The following KCTD8 variants were observed in gnomAD, a reference collection of about 807,000 sequenced individuals.
KCTD8 encodes the protein potassium channel tetramerization domain containing 8, also known as BTB/POZ domain-containing protein KCTD8.
A neutral mutation model predicts 31.5 loss-of-function variants in KCTD8; 27 were observed. The ratio of observed to expected loss-of-function variants is 0.86; its 90% CI spans 0.63 to 1.18. KCTD8 has a LOEUF of 1.18. KCTD8 is among the 50% of genes most tolerant of loss of function. The pLI, the probability that KCTD8 is intolerant of heterozygous loss-of-function variation, is 0.00. For synonymous variants in KCTD8, 290 were observed against 280.0 expected, an observed-to-expected ratio of 1.04 and a Z score of -0.36; for missense variants, 658 against 647.7, an observed-to-expected ratio of 1.02 and a Z score of -0.17.
chr4:44,416,552 A>C (rs1268603751), intron 1 of KCTD8, among the ~76,000 whole-genome samples: 1 of 152,144 alleles, frequency 6.6e-6, no homozygotes, highest in Non-Finnish European at 1.5e-5. Context: ...TCTCTCATGA[A>C]GGGCTGAGCA....
chr4:44,243,815 G>A (rs575165716), intron 1 of KCTD8, among the ~76,000 whole-genome samples: 1 of 152,330 alleles, frequency 6.6e-6, no homozygotes, highest in East Asian at 1.9e-4. Flanking sequence ...AGAATGGCTG[G>A]TGATAGAAAC....
chr4:44,402,666 C>G (rs1720693724), intron 1 of KCTD8, among the ~76,000 whole-genome samples: 1 of 152,110 alleles, frequency 6.6e-6, no homozygotes, highest in African/African-American at 2.4e-5. Context: ...AATTTGCAAA[C>G]GTATTTAACT....
intron 1 of KCTD8, among the ~76,000 whole-genome samples, chr4:44,439,898 ATT>A (rs147289827): frequency 0.021 from 2,019 of 97,588 alleles, 21 homozygotes; most frequent in Middle Eastern, 0.036. Context: ...CCAATCATTT[ATT>A]TTTATTTATT....
intron 1 of KCTD8, among the ~76,000 whole-genome samples, chr4:44,257,764 T>A (rs1716030941): frequency 6.6e-6 from 1 of 152,024 alleles, no homozygotes; most frequent in Non-Finnish European, 1.5e-5. Context: ...ATAGTTCAAC[T>A]TTTAAAAATG....
intron 1 of KCTD8, among the ~76,000 whole-genome samples, chr4:44,182,604 G>T (rs550336439): frequency 6.6e-6 from 1 of 152,098 alleles, no homozygotes; most frequent in Non-Finnish European, 1.5e-5. Flanking sequence ...CTCGTTAAGA[G>T]TCATCAGCAC....
At chr4:44,430,300 G>T (rs1721442415) in intron 1 of KCTD8, among the ~76,000 whole-genome samples, 1 of 151,658 alleles carries the variant, frequency 6.6e-6, no homozygotes, top group African/African-American at 2.4e-5. Flanking sequence ...AGACAGAGGA[G>T]CAAGAGTGTT....
chr4:44,312,865 C>T (rs1359166009), intron 1 of KCTD8, among the ~76,000 whole-genome samples: 1 of 152,112 alleles, frequency 6.6e-6, no homozygotes. Context: ...CCTCCTCTTC[C>T]AGCAAAGGGT....
chr4:44,220,212 G>A (rs961647318), intron 1 of KCTD8, among the ~76,000 whole-genome samples: 1 of 152,158 alleles, frequency 6.6e-6, no homozygotes, highest in Non-Finnish European at 1.5e-5. Flanking sequence ...GATATAGAGT[G>A]GGGGATAGAC....
At chr4:44,228,556 C>T (rs926587491) in intron 1 of KCTD8, among the ~76,000 whole-genome samples, 7 of 152,204 alleles carry the variant, frequency 4.6e-5, no homozygotes, top group African/African-American at 1.7e-4. Context: ...GTTTTTCCTG[C>T]TTCAGTGAAT....
intron 1 of KCTD8, among the ~76,000 whole-genome samples, chr4:44,278,925 T>A (rs1716823247): frequency 6.6e-6 from 1 of 152,114 alleles, no homozygotes; most frequent in African/African-American, 2.4e-5. Context: ...ATCTCCTATC[T>A]ATTTTTATTT....
At chr4:44,321,855 T>C (rs933653676) in intron 1 of KCTD8, among the ~76,000 whole-genome samples, 4 of 152,232 alleles carry the variant, frequency 2.6e-5, no homozygotes, top group African/African-American at 9.6e-5. Context: ...CATGTAATAT[T>C]TGTCTTTCTC....
chr4:44,425,868 A>T (rs748279878), intron 1 of KCTD8, among the ~76,000 whole-genome samples: 9 of 151,842 alleles, frequency 5.9e-5, no homozygotes, highest in Non-Finnish European at 1.3e-4. Context: ...TTGGGGAGGG[A>T]CCCAGCTAGT....
chr4:44,441,849 T>C (rs2109484774), intron 1 of KCTD8, among the ~76,000 whole-genome samples: 1 of 152,314 alleles, frequency 6.6e-6, no homozygotes, highest in Admixed American at 6.5e-5. Flanking sequence ...TACCTTGAAA[T>C]AATCAAATTT....
chr4:44,360,509 T>C (rs1425809535), intron 1 of KCTD8, among the ~76,000 whole-genome samples: 1 of 152,056 alleles, frequency 6.6e-6, no homozygotes, highest in Non-Finnish European at 1.5e-5. Context: ...TGGATGATTT[T>C]AATTATCACT....
intron 1 of KCTD8, among the ~76,000 whole-genome samples, chr4:44,443,382 T>C (rs1383569627): frequency 1.3e-5 from 2 of 152,224 alleles, no homozygotes; most frequent in African/African-American, 4.8e-5. Flanking sequence ...AGATGTGTCT[T>C]AGAAAGCTCT....
chr4:44,396,199 C>G (rs1205674241), intron 1 of KCTD8, among the ~76,000 whole-genome samples: 1 of 152,038 alleles, frequency 6.6e-6, no homozygotes, highest in Non-Finnish European at 1.5e-5. Flanking sequence ...AGGGTTTGCA[C>G]TCCTATGAGA....
intron 1 of KCTD8, among the ~76,000 whole-genome samples, chr4:44,355,679 T>C (rs1560434402): frequency 6.6e-6 from 1 of 152,174 alleles, no homozygotes; most frequent in African/African-American, 2.4e-5. Context: ...GTGTAGCGTA[T>C]TTAGATAAAC....
intron 1 of KCTD8, among the ~76,000 whole-genome samples, chr4:44,219,721 T>C (rs768191027): frequency 2.0e-5 from 3 of 152,220 alleles, no homozygotes; most frequent in Non-Finnish European, 4.4e-5. Flanking sequence ...TGTGGTGATT[T>C]GTTACAGTAA....
intron 1 of KCTD8, among the ~76,000 whole-genome samples, chr4:44,220,843 G>A (rs1196112420): frequency 6.6e-6 from 1 of 152,128 alleles, no homozygotes; most frequent in Non-Finnish European, 1.5e-5. Context: ...GTTTTCAGTG[G>A]AAAGGTTTAT....
Sources: allele counts gnomAD v4.1 joint callset (sites outside exome capture counted in the v4.1 genomes callset), GRCh38; gene constraint gnomAD v4.1.1; transcripts MANE v1.5; gene names NCBI Gene and HGNC (gene_info 2026-07-23, HGNC 2026-07-21).